The following AGRN variants were observed in gnomAD, a reference collection of about 807,000 sequenced individuals.
AGRN encodes agrin, also known as agrin proteoglycan.
AGRN carries 106 observed loss-of-function variants against 211.0 expected under a neutral mutation model. The observed-to-expected ratio is 0.50, with a 90% confidence interval of 0.43 to 0.59. The LOEUF is 0.59. Ranked by LOEUF, AGRN falls within the 20% of genes least tolerant of loss-of-function variation. The pLI, the probability that AGRN is intolerant of heterozygous loss-of-function variation, is 0.00. For synonymous variants in AGRN, 1,525 were observed against 1,332.5 expected, an observed-to-expected ratio of 1.14 and a Z score of -3.15; for missense variants, 3,040 against 2,982.6, an observed-to-expected ratio of 1.02 and a Z score of -0.45.
chr1:1,043,845 T>G lies in AGRN; in HGVS notation c.1821T>G (p.Cys607Trp). 6.2e-7 allele frequency: 1 copy of G among 1,611,518 alleles called. No homozygotes were observed. The highest frequency in any genetic ancestry group is 1.3e-5 in the African/African-American group (1 of 74,980). ...GPCETCGDAV[C>W]AFGAVCSAGQ... is the part of the protein sequence containing the mutation. ...CAGAGACCTGTGGAGATGCCGTGTG[T>G]GCTTTTGGGGCTGTGTGCTCCGCAG... Residue 607 changes from cysteine (C) to tryptophan (W), a missense_variant, in exon 10 of 36, where the codon TGT becomes TGG. Cys to Trp is a radical substitution (Grantham distance 215). This residue lies in a region of AGRN where 1,498 missense variants were observed against 1,457.8 expected (regional missense o/e 1.03). Coordinates refer to ENST00000379370, the MANE Select transcript of AGRN (RefSeq NM_198576.4).
chr1:1,022,495 G>A, intron 2 of AGRN, 33 bp downstream of exon 2: 2 of 1,588,404 alleles, frequency 1.3e-6, no homozygotes, highest in South Asian at 2.3e-5. Context: ...GGGGGCCTGT[G>A]GGGGTCAGGG....
intron 2 of AGRN, among the ~76,000 whole-genome samples, chr1:1,028,281 C>T (rs13303147): frequency 0.031 from 4,694 of 150,880 alleles, 96 homozygotes; most frequent in Middle Eastern, 0.049. Flanking sequence ...TCGGAGCTGC[C>T]GTCTCCCCTG....
intron 3 of AGRN, among the ~76,000 whole-genome samples, chr1:1,036,520 G>A (rs1237470227): frequency 2.0e-5 from 3 of 152,142 alleles, no homozygotes; most frequent in Non-Finnish European, 1.5e-5. Context: ...CAGCAAGTGG[G>A]CAGTGGTTCT....
At position 1,046,234 on chromosome 1, in the gene AGRN, A is replaced by C; in HGVS notation, c.2880A>C (p.Gln960His). ...LKTIACRQGL[Q>H]ISIQSLGPCQ... ...CCATCGCCTGCCGCCAGGGCCTGCA[A>C]ATCTCTATCCAGAGCCTGGGCCCGT... The change falls in exon 17 of 36, where the codon CAA becomes CAC. Residue 960 changes from glutamine (Q) to histidine (H), a missense_variant. Coordinates refer to ENST00000379370, the MANE Select transcript of AGRN (RefSeq NM_198576.4). The C allele has an allele frequency of 6.2e-7, 1 of 1,613,584 alleles. No homozygotes were observed. Among genetic ancestry groups the C allele is most frequent in the Non-Finnish European group, 8.5e-7 (1 of 1,179,988 alleles).
rs571906979 is a variant in AGRN, at chr1:1,051,080, G to A, written c.5254-173G>A. 4,100 of 1,537,624 alleles carry A rather than the reference G, an allele frequency of 2.7e-3. 20 individuals carry two copies. The highest frequency in any genetic ancestry group is 8.4e-3 in the Middle Eastern group (50 of 5,940). ...CTCTCATCCGCTCACCGTCTCTGGC[G>A]CCTCAACCCCTAGGGTAGCTCCTCC... is the stretch of plus-strand genomic sequence containing the variant. On this transcript the variant is annotated intron_variant, in intron 30 of 35. Transcript: ENST00000379370.
chr1:1,045,521 C>A lies in AGRN; in HGVS notation c.2534C>A (p.Thr845Lys). Residue 845 changes from threonine (T) to lysine (K), a missense_variant and splice_region_variant, in exon 14 of 36, where the codon ACA (threonine) becomes AAA (lysine). Thr to Lys is a moderately conservative substitution (Grantham distance 78). Transcript: ENST00000379370. Reference protein sequence around the residue: ...GIVTDGRSGCTPCSCDPQGAV... With the variant: ...GIVTDGRSGCKPCSCDPQGAV... ...GTCACCGATGGCCGGAGTGGCTGTACACGTGAGTGACAGGGCCCAGGACTG... is the reference window on the plus strand; with the variant it reads ...GTCACCGATGGCCGGAGTGGCTGTAAACGTGAGTGACAGGGCCCAGGACTG... 1 of 1,612,724 alleles carries A rather than the reference C, an allele frequency of 6.2e-7. No homozygotes were observed. The highest frequency in any genetic ancestry group is 8.5e-7 in the Non-Finnish European group (1 of 1,179,908).
At position 1,020,348 on chromosome 1, in the gene AGRN, C is replaced by T. The variant is rs1486603500; in HGVS notation, c.176C>T (p.Pro59Leu). 3 of 1,493,938 alleles carry T rather than the reference C, an allele frequency of 2.0e-6. No homozygotes were observed. Among genetic ancestry groups the T allele is most frequent in the Non-Finnish European group, 2.7e-6 (3 of 1,120,296 alleles). The allele number at this position is 1,493,938 out of a possible 1,614,324, so 92.5% of individuals were successfully genotyped here. ...GTVEEILNVD[P>L]VQHTYSCKVR... ...GTGGAGGAGATCCTCAACGTGGACC[C>T]GGTGCAGCACACGTACTCCTGCAAG... Residue 59 changes from proline (P) to leucine (L), a missense_variant, in exon 1 of 36, where the codon CCG (proline) becomes CTG (leucine). By Grantham distance (98) the Pro-to-Leu change is moderately conservative. This residue lies in a region of AGRN where 1,498 missense variants were observed against 1,457.8 expected (regional missense o/e 1.03). Coordinates refer to ENST00000379370, the MANE Select transcript of AGRN (RefSeq NM_198576.4).
chr1:1,021,378 G>C (rs1309457075), intron 1 of AGRN, among the ~76,000 whole-genome samples: 1 of 152,238 alleles, frequency 6.6e-6, no homozygotes, highest in Non-Finnish European at 1.5e-5. Context: ...GGGCGTGGAA[G>C]AGGCTCTGCC....
chr1:1,044,698 G>T (rs1003350108), intron 12 of AGRN, among the ~76,000 whole-genome samples: 1 of 152,160 alleles, frequency 6.6e-6, no homozygotes, highest in African/African-American at 2.4e-5. Flanking sequence ...GGGCCCCACC[G>T]TGTGGGCACT....
chr1:1,046,685 GCGA>G lies in AGRN; in HGVS notation c.3201_3203del (p.Asp1068del). 1 of 1,587,438 alleles carries G rather than the reference GCGA, an allele frequency of 6.3e-7. No homozygotes were observed. The highest frequency in any genetic ancestry group is 8.5e-7 in the Non-Finnish European group (1 of 1,172,652). ...GAATCTGGCAGCACTGATGGAAGCA[GCGA>G]TGAGGAACTGAGCGGGGACCAGGAG... is the stretch of plus-strand genomic sequence containing the variant. On this transcript the variant is annotated inframe_deletion, in exon 18 of 36. Coordinates refer to ENST00000379370, the MANE Select transcript of AGRN (RefSeq NM_198576.4).
chr1:1,033,737 C>T (rs1460270899), intron 2 of AGRN, among the ~76,000 whole-genome samples: 194 of 139,984 alleles, frequency 1.4e-3, no homozygotes, highest in Non-Finnish European at 1.8e-3. Context: ...TCAGGCCCAC[C>T]CTCGGCCCCA....
rs376542441 is a variant in AGRN, at chr1:1,022,409, G to T, written c.410G>T (p.Ser137Ile). The T allele has an allele frequency of 4.3e-6, 7 of 1,613,212 alleles. No homozygotes were observed. The highest frequency in any genetic ancestry group is 3.3e-5 in the Admixed American group (2 of 60,012). ...AHKNELMLNS[S>I]LMRITLRNLE... ...AAGAACGAGCTGATGCTCAACTCCAGCCTCATGCGGATCACCCTGCGGAAC... is the reference window on the plus strand; with the variant it reads ...AAGAACGAGCTGATGCTCAACTCCATCCTCATGCGGATCACCCTGCGGAAC... Residue 137 changes from serine to isoleucine, a missense_variant, in exon 2 of 36, where the codon AGC becomes ATC. Transcript: ENST00000379370.
In AGRN at chr1:1,053,650, C is replaced by T. The variant is rs1274182385; in HGVS notation, c.5652-103C>T. On this transcript the variant is annotated intron_variant, in intron 33 of 35. Transcript: ENST00000379370. ...CACCAGCCACCCCTGGGTCCCGTCACAGCCCTTGTGGCCTCCGCAGCTGGG... is the reference window on the plus strand; with the variant it reads ...CACCAGCCACCCCTGGGTCCCGTCATAGCCCTTGTGGCCTCCGCAGCTGGG... The T allele has an allele frequency of 6.0e-6, 9 of 1,494,524 alleles. No homozygotes were observed. The East Asian group carries it at 2.0e-4, about 33-fold the overall frequency. 92.6% of individuals were successfully genotyped at this position (1,494,524 alleles called of 1,614,324 possible).
rs553504053 is a variant in AGRN, at chr1:1,050,979, C to T, written c.5253+142C>T. On this transcript the variant is annotated intron_variant, in intron 30 of 35. Transcript: ENST00000379370. ...CCTGCCCTGTCCTCTGCCTCCTCTG[C>T]CTCCCTGCTCTCTGCTCTCGCTCTG... 3.6e-5 allele frequency: 56 copies of T among 1,550,908 alleles called. No individual in the cohort carries two copies. In the South Asian group the frequency reaches 6.2e-4, roughly 17 times the overall value.
Position 1,043,717 on chromosome 1 carries a change from T to C in AGRN, c.1783T>C (p.Ser595Pro), listed in dbSNP as rs767861466. The change falls in exon 9 of 36, where the codon TCA (serine) becomes CCA (proline). Residue 595 changes from serine to proline, a missense_variant. Ser to Pro is a moderately conservative substitution (Grantham distance 74). Around this residue, in one of 3 missense-constraint regions of AGRN, gnomAD observed 1,498 missense variants for 1,457.8 expected, o/e 1.03. Transcript: ENST00000379370. Reference sequence around the variant, plus strand: ...ACACCAGATCAGCCTGCACGTGGCCTCAGCTGGACCCTGTGGTGAGTGAGG... The same window carrying C: ...ACACCAGATCAGCCTGCACGTGGCCCCAGCTGGACCCTGTGGTGAGTGAGG... The part of the protein sequence containing the change: ...CTHQISLHVA[S>P]AGPCETCGDA... The C allele has an allele frequency of 3.9e-4, 626 of 1,600,530 alleles. 1 individual carries two copies. The highest frequency in any genetic ancestry group is 5.2e-4 in the Non-Finnish European group (617 of 1,179,704).
At chr1:1,020,471 C>A in intron 1 of AGRN, 98 bp downstream of exon 1, 2 of 1,215,004 alleles carry the variant, frequency 1.6e-6, no homozygotes, top group Non-Finnish European at 2.2e-6. Context: ...CGCTCCGCAG[C>A]CCCCGCTCCG....
At position 1,031,076 on chromosome 1, in the gene AGRN, TGTGA is replaced by T. The variant is rs535668330; in HGVS notation, c.464-4197_464-4194del. On this transcript the variant is annotated intron_variant, in intron 2 of 35. Coordinates refer to ENST00000379370, the MANE Select transcript of AGRN (RefSeq NM_198576.4). The surrounding 1 kb of genome is among the most constrained non-coding windows in gnomAD (Gnocchi z 4.8). ...TGTGTGTGTGTGCAGTGCATGGTGC[TGTGA>T]GTGTGATTGTGTGTGTGTGTGTGCG... is the stretch of plus-strand genomic sequence containing the variant. 4.3e-4 allele frequency among the ~76,000 whole-genome samples: 51 copies of T among 119,562 alleles called. No homozygotes were observed. Among genetic ancestry groups the T allele is most frequent in the African/African-American group, 1.4e-3 (40 of 28,632 alleles). 78.4% of individuals were successfully genotyped at this position (119,562 alleles called of 152,430 possible).
At position 1,053,552 on chromosome 1, in the gene AGRN, G is replaced by T. The variant is rs2710871; in HGVS notation, c.5652-201G>T. On this transcript the variant is annotated intron_variant, in intron 33 of 35. Transcript: ENST00000379370. ...GGCTGGCCCATCTGTCCTCCCGCCC[G>T]TCTCTCTGATCTCTCTCTGCCAGGC... 430 of 1,525,380 alleles carry T rather than the reference G, an allele frequency of 2.8e-4. 1 individual carries two copies. In the African/African-American group the frequency reaches 3.8e-3, roughly 13 times the overall value. The allele number at this position is 1,525,380 out of a possible 1,614,324, so 94.5% of individuals were successfully genotyped here. A position where few individuals can be genotyped will look rare whatever the true frequency, so the allele number is the denominator to read the frequency against.
In AGRN at chr1:1,050,795, C is replaced by T. The variant is rs769112986; in HGVS notation, c.5211C>T (p.Ala1737=). 5.0e-6 allele frequency: 8 copies of T among 1,599,674 alleles called. No homozygotes were observed. The highest frequency in any genetic ancestry group is 5.1e-6 in the Non-Finnish European group (6 of 1,176,662). ...TGGAGCGAAACGGCCGCAAGGGTGC[C>T]CTGCGTGTGGGCGACGGCCCCCGTG... is the stretch of plus-strand genomic sequence containing the variant. The part of the protein sequence containing the change: ...VSLERNGRKG[A]LRVGDGPRVL... The change falls in exon 30 of 36, where the codon GCC becomes GCT. Residue 1737 remains alanine, a synonymous_variant. Coordinates refer to ENST00000379370, the MANE Select transcript of AGRN (RefSeq NM_198576.4).
Sources: gnomAD v4.1 joint callset for allele counts (sites outside exome capture counted in the v4.1 genomes callset) on GRCh38, gnomAD v4.1.1 for gene constraint, gnomAD v4.1.1 regional missense constraint, Gnocchi (gnomAD v3.1) non-coding constraint, MANE v1.5 for transcripts, NCBI Gene and HGNC (gene_info 2026-07-23, HGNC 2026-07-21) for gene names.